Variants in DPYSL3 observed in about 807,000 individuals in gnomAD.
The protein encoded by DPYSL3 is dihydropyrimidinase like 3.
DPYSL3 carries 16 observed loss-of-function variants against 66.1 expected under a neutral mutation model. The ratio of observed to expected loss-of-function variants is 0.24; its 90% CI spans 0.16 to 0.37. The LOEUF (loss-of-function observed/expected upper bound fraction) is 0.37, where lower values mean the gene tolerates loss of function less well. DPYSL3 is among the 10% of genes least tolerant of loss of function. The pLI, the probability that DPYSL3 is intolerant of heterozygous loss-of-function variation, is 1.00. For synonymous variants in DPYSL3, 338 were observed against 345.1 expected (o/e 0.98, Z 0.23); for missense variants, 738 against 916.2 (o/e 0.81, Z 2.51).
chr5:147,481,958 T>C (rs1753251339), intron 1 of DPYSL3, among the ~76,000 whole-genome samples: 1 of 152,172 alleles, frequency 6.6e-6, no homozygotes, highest in African/African-American at 2.4e-5. Flanking sequence ...ATACAGTGGG[T>C]TGTGTTACAG....
chr5:147,400,894 TAG>T, intron 9 of DPYSL3, 61 bp from the exon 10 acceptor site: 1 of 1,579,290 alleles, frequency 6.3e-7, no homozygotes, highest in Non-Finnish European at 8.6e-7. Context: ...ACTGGGAGCT[TAG>T]AGTCTTGTGT....
At chr5:147,397,524 A>T in intron 12 of DPYSL3, 142 bp downstream of exon 12, 1 of 895,418 alleles carries the variant, frequency 1.1e-6, no homozygotes, top group Non-Finnish European at 1.6e-6. Context: ...AAGTCTGTGT[A>T]GTTGTTCTTG....
chr5:147,420,281 A>G (rs746299490), intron 2 of DPYSL3, among the ~76,000 whole-genome samples: 1 of 152,214 alleles, frequency 6.6e-6, no homozygotes, highest in Non-Finnish European at 1.5e-5. Context: ...TGTGCTGCAG[A>G]TTAAATGTGA....
In DPYSL3 at chr5:147,397,756, G is replaced by T; in HGVS notation, c.1713C>A (p.Gly571=). Residue 571 remains glycine (G), a synonymous_variant, in exon 12 of 14, where the codon GGC becomes GGA. Coordinates refer to ENST00000343218, the MANE Select transcript of DPYSL3 (RefSeq NM_001197294.2). ...ICQGKIMLED[G]NLHVTQGAGR... ...CAGCCCCCTGGGTCACGTGCAGGTT[G>T]CCATCTTCCAGCATGATCTTGCCCT... 6.2e-7 allele frequency: 1 copy of T among 1,614,178 alleles called. No individual in the cohort carries two copies. The highest frequency in any genetic ancestry group is 8.5e-7 in the Non-Finnish European group (1 of 1,180,042).
intron 1 of DPYSL3, among the ~76,000 whole-genome samples, chr5:147,500,171 G>GA (rs777603856): frequency 4.6e-5 from 7 of 152,176 alleles, no homozygotes; most frequent in Non-Finnish European, 1.0e-4. Flanking sequence ...AATAATTGGT[G>GA]AGCTGGACTA....
chr5:147,472,460 G>C (rs1406016121), intron 1 of DPYSL3, among the ~76,000 whole-genome samples: 1 of 152,176 alleles, frequency 6.6e-6, no homozygotes, highest in Non-Finnish European at 1.5e-5. Context: ...CATTTCTTCA[G>C]TGGAGAATTC....
At chr5:147,478,173 T>C (rs1753186728) in intron 1 of DPYSL3, among the ~76,000 whole-genome samples, 1 of 152,230 alleles carries the variant, frequency 6.6e-6, no homozygotes, top group Non-Finnish European at 1.5e-5. Context: ...ATTGGTCTGT[T>C]AGAGGGAGTT....
intron 1 of DPYSL3, among the ~76,000 whole-genome samples, chr5:147,451,306 G>A (rs554962407): frequency 6.6e-6 from 1 of 152,334 alleles, no homozygotes; most frequent in Admixed American, 6.5e-5. Flanking sequence ...GTTAACAGCT[G>A]CTGGAGATAC....
At chr5:147,474,430 C>T (rs763808541) in intron 1 of DPYSL3, among the ~76,000 whole-genome samples, 1 of 152,070 alleles carries the variant, frequency 6.6e-6, no homozygotes, top group Non-Finnish European at 1.5e-5. Context: ...ATTTATTCCT[C>T]ACAAAGGGAA....
chr5:147,426,234 T>A (rs964882723), intron 1 of DPYSL3, among the ~76,000 whole-genome samples: 1 of 151,092 alleles, frequency 6.6e-6, no homozygotes, highest in African/African-American at 2.4e-5. Context: ...TAGATGGAGG[T>A]GGAGGTGAAG....
At chr5:147,480,067 C>G (rs1299216179) in intron 1 of DPYSL3, among the ~76,000 whole-genome samples, 1 of 152,158 alleles carries the variant, frequency 6.6e-6, no homozygotes, top group Non-Finnish European at 1.5e-5. Flanking sequence ...ACTCTGCAAA[C>G]TACATGACTC....
chr5:147,445,775 G>A (rs904331221), intron 1 of DPYSL3, among the ~76,000 whole-genome samples: 12 of 152,084 alleles, frequency 7.9e-5, no homozygotes, highest in Non-Finnish European at 1.5e-4. Flanking sequence ...GGCAATTATC[G>A]CCTTCATGCC....
chr5:147,456,966 C>T (rs369846343), intron 1 of DPYSL3, among the ~76,000 whole-genome samples: 8 of 152,256 alleles, frequency 5.3e-5, no homozygotes, highest in African/African-American at 1.9e-4. Context: ...GTTTAGCCAT[C>T]ATTTGGCTAT....
chr5:147,504,921 T>C (rs79830454), intron 1 of DPYSL3, among the ~76,000 whole-genome samples: 1,755 of 152,338 alleles, frequency 0.012, 65 homozygotes, highest in East Asian at 0.09. Context: ...CATATCATAA[T>C]TGTCTTCCTC....
At chr5:147,486,197 T>C (rs1753326991) in intron 1 of DPYSL3, among the ~76,000 whole-genome samples, 1 of 151,888 alleles carries the variant, frequency 6.6e-6, no homozygotes, top group African/African-American at 2.4e-5. Context: ...AGGCTGGAGG[T>C]TGTGGTGTGA....
chr5:147,425,054 TG>T, intron 1 of DPYSL3, 91 bp from the exon 2 acceptor site: 1 of 941,864 alleles, frequency 1.1e-6, no homozygotes, highest in East Asian at 2.5e-5. Context: ...TTGTTCTAGA[TG>T]TCTAGTAGAA....
At chr5:147,500,009 G>T (rs564736401) in intron 1 of DPYSL3, among the ~76,000 whole-genome samples, 1 of 152,052 alleles carries the variant, frequency 6.6e-6, no homozygotes, top group African/African-American at 2.4e-5. Context: ...ATCATAACAC[G>T]GATCTATGCC....
chr5:147,400,972 T>C (rs1758157330), intron 9 of DPYSL3, 139 bp from the exon 10 acceptor site: 3 of 1,159,966 alleles, frequency 2.6e-6, no homozygotes, highest in Admixed American at 2.9e-5. Context: ...TTACTAGATA[T>C]ATGAGCTTGG....
At chr5:147,478,248 T>A (rs1383973360) in intron 1 of DPYSL3, among the ~76,000 whole-genome samples, 1 of 152,172 alleles carries the variant, frequency 6.6e-6, no homozygotes, top group African/African-American at 2.4e-5. Context: ...TTATACACAT[T>A]AATATCAGCT....
Sources: allele counts gnomAD v4.1 joint callset (sites outside exome capture counted in the v4.1 genomes callset), GRCh38; gene constraint gnomAD v4.1.1; transcripts MANE v1.5; gene names NCBI Gene and HGNC (gene_info 2026-07-23, HGNC 2026-07-21).